OAS3: variants seen among roughly 807,000 people sequenced by gnomAD.
The protein encoded by OAS3 is 2'-5'-oligoadenylate synthase 3.
OAS3 carries 107 observed loss-of-function variants against 113.0 expected under a neutral mutation model. The observed-to-expected ratio is 0.95, with a 90% CI of 0.81 to 1.11. The LOEUF (loss-of-function observed/expected upper bound fraction) is 1.11, where lower values mean the gene tolerates loss of function less well. Among genes scored for constraint, OAS3 ranks in the 50% most tolerant of loss-of-function variants. The probability of loss-of-function intolerance (pLI) is 0.00; values close to 1 mark genes in which losing one functional copy is unlikely to be tolerated. For synonymous variants in OAS3, 552 were observed against 573.6 expected (o/e 0.96, Z 0.54); for missense variants, 1,258 against 1,389.1 (o/e 0.91, Z 1.50).
At position 112,950,841 on chromosome 12, in the gene OAS3, G is replaced by A. The variant is rs1419760279; in HGVS notation, c.1523G>A (p.Trp508Ter). 1 of 1,613,906 alleles carries A rather than the reference G, an allele frequency of 6.2e-7. No individual in the cohort carries two copies. Among genetic ancestry groups the A allele is most frequent in the Non-Finnish European group, 8.5e-7 (1 of 1,179,894 alleles). ...ATGCGAGCGCAGCTAGAATCCTGGT[G>A]GCAGGACCAGGTGCCCAGCCTGAGC... Reference protein sequence around the residue: ...DEMRAQLESWWQDQVPSLSLQ... With the variant: ...DEMRAQLESW Residue 508 changes from tryptophan (W) to a stop codon, truncating the protein, a stop_gained, in exon 7 of 16, where the codon TGG becomes TAG. Coordinates refer to ENST00000228928, the MANE Select transcript of OAS3 (RefSeq NM_006187.4). LOFTEE classifies it high-confidence loss of function.
chr12:112,948,071 G>T lies in OAS3; in HGVS notation c.1001G>T (p.Gly334Val). The change falls in exon 5 of 16, where the codon GGG becomes GTG. Residue 334 changes from glycine to valine, a missense_variant. Coordinates refer to ENST00000228928, the MANE Select transcript of OAS3 (RefSeq NM_006187.4). ...YDHPCFLRGM[G>V]DPVQSWKGPG... Reference sequence around the variant, plus strand: ...CACCCATGCTTTCTGAGGGGGATGGGGGACCCAGTGCAGTCTTGGAAGGGG... The same window carrying T: ...CACCCATGCTTTCTGAGGGGGATGGTGGACCCAGTGCAGTCTTGGAAGGGG... The T allele has an allele frequency of 6.4e-7, 1 of 1,570,594 alleles. No individual in the cohort carries two copies. The highest frequency in any genetic ancestry group is 8.6e-7 in the Non-Finnish European group (1 of 1,158,076).
chr12:112,959,654 TCTTATCTCATCCTCCATGG>T (rs2043864809), intron 7 of OAS3, among the ~76,000 whole-genome samples: 1 of 152,118 alleles, frequency 6.6e-6, no homozygotes, highest in Non-Finnish European at 1.5e-5. Flanking sequence ...TTAGATGGTT[TCTTATCTCATCCTCCATGG>T]CTTTTCATCT....
Position 112,944,477 on chromosome 12 carries a change from T to C in OAS3, c.462T>C (p.Gly154=). The C allele has an allele frequency of 1.1e-5, 18 of 1,613,882 alleles. No individual in the cohort carries two copies. Among genetic ancestry groups the C allele is most frequent in the Non-Finnish European group, 1.4e-5 (17 of 1,179,846 alleles). ...VSLVPAFNVL[G]QAGSGVKPKP... is the part of the protein sequence containing the mutation. ...ACTCACAGCGCTTCACACCAACAGG[T>C]CAGGCCGGCTCCGGCGTCAAACCCA... Residue 154 remains glycine (G), a splice_region_variant and synonymous_variant, in exon 3 of 16, where the codon GGT becomes GGC. Transcript: ENST00000228928.
chr12:112,951,073 A>G (rs888012481), intron 7 of OAS3, 98 bp downstream of exon 7: 6 of 1,289,470 alleles, frequency 4.7e-6, no homozygotes, highest in Non-Finnish European at 6.3e-6. Context: ...TAATTCTCCT[A>G]CTTGACCAAG....
rs538252344 is a variant in OAS3 at position 112,961,073 on chromosome 12, C to A, written c.1660C>A (p.Gln554Lys). The change falls in exon 8 of 16, where the codon CAG becomes AAG. Residue 554 changes from glutamine (Q) to lysine (K), a missense_variant and splice_region_variant. By Grantham distance (53) the Gln-to-Lys change is moderately conservative. Transcript: ENST00000228928. ...SLLPAFDAVG[Q>K]LSSGTKPNPQ... is the part of the protein sequence containing the mutation. ...CAGGGTGTTTCAAACTTCTACAGGGCAGCTCAGTTCTGGCACCAAACCAAA... is the reference window on the plus strand; with the variant it reads ...CAGGGTGTTTCAAACTTCTACAGGGAAGCTCAGTTCTGGCACCAAACCAAA... 9 of 1,612,988 alleles carry A rather than the reference C, an allele frequency of 5.6e-6. No homozygotes were observed. The highest frequency in any genetic ancestry group is 4.4e-5 in the South Asian group (4 of 90,750).
chr12:112,952,625 CT>C (rs1441585019), intron 7 of OAS3, among the ~76,000 whole-genome samples: 3 of 152,032 alleles, frequency 2.0e-5, no homozygotes, highest in Non-Finnish European at 4.4e-5. Context: ...CCTGTTCTTC[CT>C]TCTGGATTCA....
At chr12:112,943,515 C>G (rs999024676) in intron 2 of OAS3, among the ~76,000 whole-genome samples, 1 of 152,058 alleles carries the variant, frequency 6.6e-6, no homozygotes, top group Non-Finnish European at 1.5e-5. Context: ...AAAGGCGCAC[C>G]CTGCAAAGTC....
At chr12:112,952,604 C>T (rs1473782670) in intron 7 of OAS3, among the ~76,000 whole-genome samples, 1 of 152,136 alleles carries the variant, frequency 6.6e-6, no homozygotes, top group Non-Finnish European at 1.5e-5. Context: ...TTCACCATTG[C>T]TACTTGATTT....
At chr12:112,941,201 TA>T (rs1054786106) in intron 1 of OAS3, among the ~76,000 whole-genome samples, 4 of 150,574 alleles carry the variant, frequency 2.7e-5, no homozygotes, top group African/African-American at 9.8e-5. Context: ...CCCATCTCTT[TA>T]AAAAAATGTA....
chr12:112,963,514 TC>T lies in OAS3; in HGVS notation c.2229+60del. The T allele has an allele frequency of 7.1e-7, 1 of 1,401,332 alleles. No individual in the cohort carries two copies. Among genetic ancestry groups the T allele is most frequent in the Non-Finnish European group, 9.4e-7 (1 of 1,069,224 alleles). The allele number at this position is 1,401,332 out of a possible 1,614,324, so 86.8% of individuals were successfully genotyped here. A position where few individuals can be genotyped will look rare whatever the true frequency, so the allele number is the denominator to read the frequency against. Reference sequence around the variant, plus strand: ...CCTGCACCCTGCCTTCTAGTCAGGTTCCCTTAACCTGCCGGTGCACCCATCC... The same window carrying T: ...CCTGCACCCTGCCTTCTAGTCAGGTTCCTTAACCTGCCGGTGCACCCATCC... On this transcript the variant is annotated intron_variant, in intron 10 of 15. Coordinates refer to ENST00000228928, the MANE Select transcript of OAS3 (RefSeq NM_006187.4). This position sits in a 1 kb window ranked among gnomAD's most constrained non-coding sequence, Gnocchi z 4.6.
chr12:112,947,870 T>C (rs2043747476), intron 4 of OAS3, 76 bp from the exon 5 acceptor site: 1 of 1,318,864 alleles, frequency 7.6e-7, no homozygotes, highest in African/African-American at 1.5e-5. Flanking sequence ...GTAGCAGAGA[T>C]GCGATTGGAA....
At chr12:112,962,600 C>G in intron 8 of OAS3, 52 bp from the exon 9 acceptor site, 1 of 1,593,630 alleles carries the variant, frequency 6.3e-7, no homozygotes. Context: ...TATGGCCACA[C>G]TCAGCTCACA....
Position 112,949,128 on chromosome 12 carries a change from C to G in OAS3, c.1297C>G (p.Gln433Glu). 1 of 1,613,954 alleles carries G rather than the reference C, an allele frequency of 6.2e-7. No homozygotes were observed. The highest frequency in any genetic ancestry group is 8.5e-7 in the Non-Finnish European group (1 of 1,179,894). Residue 433 changes from glutamine (Q) to glutamate (E), a missense_variant, in exon 6 of 16, where the codon CAG becomes GAG. Transcript: ENST00000228928. ...GAAGCCGAGCCCCCAGTTCCAGGAG[C>G]AGGTGAAAAAGGCCATTGACATCAT... is the stretch of plus-strand genomic sequence containing the variant. ...HLKPSPQFQE[Q>E]VKKAIDIILR...
At position 112,950,838 on chromosome 12, in the gene OAS3, G is replaced by A. The variant is rs768685111; in HGVS notation, c.1520G>A (p.Trp507Ter). 9 of 1,613,898 alleles carry A rather than the reference G, an allele frequency of 5.6e-6. No individual in the cohort carries two copies. The highest frequency in any genetic ancestry group is 6.8e-6 in the Non-Finnish European group (8 of 1,179,900). The change falls in exon 7 of 16, where the codon TGG becomes TAG. Residue 507 changes from tryptophan (W) to a stop codon, truncating the protein, a stop_gained. Coordinates refer to ENST00000228928, the MANE Select transcript of OAS3 (RefSeq NM_006187.4). LOFTEE classifies it high-confidence loss of function. ...GAGATGCGAGCGCAGCTAGAATCCT[G>A]GTGGCAGGACCAGGTGCCCAGCCTG... is the stretch of plus-strand genomic sequence containing the variant. ...LDEMRAQLES[W>*]WQDQVPSLSL...
Position 112,970,030 on chromosome 12 carries a change from C to A in OAS3, c.*57C>A, listed in dbSNP as rs1456297135. On this transcript the variant is annotated 3_prime_UTR_variant, in exon 16 of 16. Transcript: ENST00000228928. ...AGAGAAGATGGACACCAGCCCTCAG[C>A]ATGAGGAAATTCAGGGTCCCCTACC... 1.5e-5 allele frequency: 24 copies of A among 1,586,834 alleles called. No individual in the cohort carries two copies. Among genetic ancestry groups the A allele is most frequent in the Non-Finnish European group, 1.9e-5 (22 of 1,164,192 alleles).
At position 112,948,683 on chromosome 12, in the gene OAS3, C is replaced by T. The variant is rs527867280; in HGVS notation, c.1030-178C>T. 4.6e-5 allele frequency among the ~76,000 whole-genome samples: 7 copies of T among 152,256 alleles called. 1 individual carries two copies. The highest frequency in any genetic ancestry group is 1.7e-4 in the African/African-American group (7 of 41,556). On this transcript the variant is annotated intron_variant, in intron 5 of 15. Coordinates refer to ENST00000228928, the MANE Select transcript of OAS3 (RefSeq NM_006187.4). Reference sequence around the variant, plus strand: ...TTTGCAGTTTATCCCTCCAGAAAGGCACCTTTTTCAACTCTGCCCAAAGAT... The same window carrying T: ...TTTGCAGTTTATCCCTCCAGAAAGGTACCTTTTTCAACTCTGCCCAAAGAT...
rs759484864 is a variant in OAS3 at position 112,972,914 on chromosome 12, T to TGTGTGTG, written c.*2941_*2942insGTGTGTG. 5.0e-5 allele frequency: 5 copies of TGTGTGTG among 99,842 alleles called. No homozygotes were observed. 6.2% of individuals were successfully genotyped at this position (99,842 alleles called of 1,614,324 possible). ...TGTGTGTGTGTGTGTGTGTGTGTGT[T>TGTGTGTG]TAATTTTTAAAAAGTTTTTATTGAG... is the stretch of plus-strand genomic sequence containing the variant. On this transcript the variant is annotated 3_prime_UTR_variant, in exon 16 of 16. Transcript: ENST00000228928.
chr12:112,962,582 C>G (rs1047042582), intron 8 of OAS3, 70 bp from the exon 9 acceptor site: 1 of 1,545,540 alleles, frequency 6.5e-7, no homozygotes, highest in Non-Finnish European at 8.8e-7. Flanking sequence ...CTTCCTGCCC[C>G]AAGTGCTTAT....
At position 112,967,411 on chromosome 12, in the gene OAS3, T is replaced by A. The variant is rs1162792186; in HGVS notation, c.2690-7T>A. ...CGGAGTGATGGTAACCATCTCCCCA[T>A]CTCCAGGCCAGCTGGTCTCTGGCTC... On this transcript the variant is annotated splice_region_variant and splice_polypyrimidine_tract_variant and intron_variant, in intron 12 of 15. Transcript: ENST00000228928. The A allele has an allele frequency of 1.2e-6, 2 of 1,608,592 alleles. No homozygotes were observed. Among genetic ancestry groups the A allele is most frequent in the Admixed American group, 1.7e-5 (1 of 59,452 alleles).
Sources: allele counts gnomAD v4.1 joint callset (sites outside exome capture counted in the v4.1 genomes callset), GRCh38; gene constraint gnomAD v4.1.1; non-coding constraint Gnocchi (gnomAD v3.1); transcripts MANE v1.5; gene names NCBI Gene and HGNC (gene_info 2026-07-23, HGNC 2026-07-21).